The following MYO18A variants were observed in gnomAD, a reference collection of about 807,000 sequenced individuals.
The protein encoded by MYO18A is myosin XVIIIA, also known as unconventional myosin-XVIIIa.
Under a neutral mutation model 235.8 loss-of-function variants are expected in MYO18A, and 78 were observed. That is an observed-to-expected ratio of 0.33 (90% CI 0.28 to 0.40). The LOEUF (loss-of-function observed/expected upper bound fraction) is 0.40, where lower values mean the gene tolerates loss of function less well. MYO18A is among the 10% of genes least tolerant of loss of function. MYO18A has a pLI of 1.00. For synonymous variants in MYO18A, 977 were observed against 1,077.8 expected, an observed-to-expected ratio of 0.91 and a Z score of 1.83; for missense variants, 2,215 against 2,699.3, an observed-to-expected ratio of 0.82 and a Z score of 3.98.
At chr17:29,174,616 A>G (rs756393695) in intron 1 of MYO18A, among the ~76,000 whole-genome samples, 19 of 152,310 alleles carry the variant, frequency 1.2e-4, no homozygotes, top group Non-Finnish European at 2.2e-4. Flanking sequence ...GAAGTTCGAG[A>G]CTAGCCTGGC....
chr17:29,141,662 T>C (rs1462827445), intron 2 of MYO18A, among the ~76,000 whole-genome samples: 1 of 152,218 alleles, frequency 6.6e-6, no homozygotes, highest in African/African-American at 2.4e-5. Context: ...AGTCTCACTG[T>C]CATATAGTCA....
chr17:29,119,421 C>T lies in MYO18A; in HGVS notation c.1743G>A (p.Glu581=), dbSNP rs2067145983. The change falls in exon 8 of 42, where the codon GAG becomes GAA. Residue 581 remains glutamate (E), a synonymous_variant. Transcript: ENST00000527372. The stretch of plus-strand genomic sequence containing the variant: ...CTGGGCGCCGAGCCACACGCAGCTT[C>T]TCCAGAAGCATTGTCTGTGACACAG... ...ASASIQTMLL[E]KLRVARRPAS... The T allele has an allele frequency of 1.2e-6, 2 of 1,610,484 alleles. No homozygotes were observed. Among genetic ancestry groups the T allele is most frequent in the East Asian group, 4.5e-5 (2 of 44,814 alleles).
chr17:29,078,032 T>C (rs8065952), intron 41 of MYO18A: 63,437 of 151,646 alleles, frequency 0.42, 14,529 homozygotes, highest in East Asian at 0.84. Context: ...ATATATTTTT[T>C]GAGATGGAGT....
Position 29,093,442 on chromosome 17 carries a change from G to A in MYO18A, c.4822-15C>T, listed in dbSNP as rs764834464. 8 of 1,598,502 alleles carry A rather than the reference G, an allele frequency of 5.0e-6. No homozygotes were observed. Among genetic ancestry groups the A allele is most frequent in the Non-Finnish European group, 6.8e-6 (8 of 1,171,550 alleles). ...ATCTGTTTTAACTGGAGTACCATGG[G>A]GACAGAGACCCGTCCGTCCCTTTAG... is the stretch of plus-strand genomic sequence containing the variant. On this transcript the variant is annotated splice_polypyrimidine_tract_variant and intron_variant, in intron 31 of 41. Coordinates refer to ENST00000527372, the MANE Select transcript of MYO18A (RefSeq NM_078471.4).
rs762187168 is a variant in MYO18A, at chr17:29,111,762, G to T, written c.2700C>A (p.Arg900=). ...PGASEDTLLE[R]LFSYYGPQEG... is the part of the protein sequence containing the mutation. Reference sequence around the variant, plus strand: ...CCTGGGGGCCATAATAGGAGAAAAGGCGCTCCAGGAGGGTGTCCTCACTGG... The same window carrying T: ...CCTGGGGGCCATAATAGGAGAAAAGTCGCTCCAGGAGGGTGTCCTCACTGG... The change falls in exon 16 of 42, where the codon CGC becomes CGA. Residue 900 remains arginine, a synonymous_variant. Transcript: ENST00000527372. This position sits in a 1 kb window ranked among gnomAD's most constrained non-coding sequence, Gnocchi z 5.1. The T allele has an allele frequency of 1.2e-5, 19 of 1,613,696 alleles. No homozygotes were observed. The African/African-American group carries it at 1.5e-4, about 12-fold the overall frequency.
At chr17:29,141,711 T>C (rs2067743520) in intron 2 of MYO18A, among the ~76,000 whole-genome samples, 1 of 152,214 alleles carries the variant, frequency 6.6e-6, no homozygotes, top group Non-Finnish European at 1.5e-5. Context: ...TGTGTCCTGC[T>C]CTCTAGGGAG....
chr17:29,129,915 C>T (rs1035337501), intron 2 of MYO18A, among the ~76,000 whole-genome samples: 1 of 152,228 alleles, frequency 6.6e-6, no homozygotes, highest in African/African-American at 2.4e-5. Context: ...CAGGGCACTG[C>T]AGAGTTGGCC....
chr17:29,097,828 C>G lies in MYO18A; in HGVS notation c.4062G>C (p.Arg1354=). The G allele has an allele frequency of 6.2e-7, 1 of 1,613,830 alleles. No homozygotes were observed. The highest frequency in any genetic ancestry group is 8.5e-7 in the Non-Finnish European group (1 of 1,179,796). ...EMEVMEARLI[R]AAEINGEVDD... ...CCACTTCCCCGTTGATCTCCGCTGC[C>G]CGGATGAGACGGGCCTCCATCACCT... The change falls in exon 26 of 42, where the codon CGG becomes CGC. Residue 1354 remains arginine, a synonymous_variant. Transcript: ENST00000527372.
Position 29,166,388 on chromosome 17 carries a change from G to A in MYO18A, c.553C>T (p.Pro185Ser). The change falls in exon 2 of 42, where the codon CCT becomes TCT. Residue 185 changes from proline (P) to serine (S), a missense_variant. Transcript: ENST00000527372. ...QLVQHPGPGI[P>S]RPGHRSRAPE... ...GCTCGGGATCGGTGCCCTGGTCGAG[G>A]GATGCCTGGGCCAGGATGCTGCACC... 6.2e-7 allele frequency: 1 copy of A among 1,613,698 alleles called. No individual in the cohort carries two copies. The highest frequency in any genetic ancestry group is 8.5e-7 in the Non-Finnish European group (1 of 1,179,884).
intron 2 of MYO18A, among the ~76,000 whole-genome samples, chr17:29,155,741 C>T (rs112960313): frequency 5.3e-5 from 8 of 152,304 alleles, no homozygotes; most frequent in Admixed American, 2.0e-4. Flanking sequence ...GGATGGAATC[C>T]GAGGCGGCTC....
At chr17:29,127,724 G>A (rs887698696) in intron 2 of MYO18A, 19 of 397,356 alleles carry the variant, frequency 4.8e-5, no homozygotes, top group Non-Finnish European at 5.5e-5. Flanking sequence ...ATCAGCACAC[G>A]ACCCTGGGCC....
At chr17:29,112,824 A>T (rs1163213603) in intron 15 of MYO18A, among the ~76,000 whole-genome samples, 2 of 152,176 alleles carry the variant, frequency 1.3e-5, no homozygotes, top group Admixed American at 1.3e-4. Context: ...TGCCCAAGGG[A>T]GTTGGCGTGA....
rs1227199015 is a variant in MYO18A at position 29,117,069 on chromosome 17, C to G, written c.2039-614G>C. Among the ~76,000 whole-genome samples the G allele has an allele frequency of 2.6e-5, 4 of 152,288 alleles. No individual in the cohort carries two copies. The highest frequency in any genetic ancestry group is 9.6e-5 in the African/African-American group (4 of 41,572). The stretch of plus-strand genomic sequence containing the variant: ...TACACCCACCACCTGCCAGGACTTT[C>G]TCACTCCAGCTGAGCAGCCTGGGGC... On this transcript the variant is annotated intron_variant, in intron 10 of 41. Transcript: ENST00000527372. This position sits in a 1 kb window ranked among gnomAD's most constrained non-coding sequence, Gnocchi z 4.6.
At chr17:29,173,267 T>C (rs1205737540) in intron 1 of MYO18A, among the ~76,000 whole-genome samples, 1 of 151,768 alleles carries the variant, frequency 6.6e-6, no homozygotes, top group Non-Finnish European at 1.5e-5. Flanking sequence ...TAATTTTGTA[T>C]TTTTAGTAGA....
intron 13 of MYO18A, 27 bp from the exon 14 acceptor site, chr17:29,115,126 C>A (rs1290944818): frequency 6.3e-7 from 1 of 1,592,168 alleles, no homozygotes. Flanking sequence ...TGGGTCAGAG[C>A]CTCGCTGGTT....
intron 2 of MYO18A, among the ~76,000 whole-genome samples, chr17:29,157,211 C>T (rs934401614): frequency 2.8e-4 from 42 of 152,316 alleles, no homozygotes; most frequent in Admixed American, 6.5e-4. Flanking sequence ...CTTCTTAAGG[C>T]GTCCCTCTTC....
At chr17:29,098,318 A>G (rs1277931985) in intron 24 of MYO18A, 38 bp downstream of exon 24, 1 of 1,612,650 alleles carries the variant, frequency 6.2e-7, no homozygotes, top group African/African-American at 1.3e-5. Flanking sequence ...GTCTCCCTGC[A>G]GCCATGCCCA....
Position 29,092,424 on chromosome 17 carries a change from G to A in MYO18A, c.5106C>T (p.Ala1702=), listed in dbSNP as rs373150428. 6.2e-6 allele frequency: 10 copies of A among 1,612,246 alleles called. No homozygotes were observed. The highest frequency in any genetic ancestry group is 2.7e-5 in the African/African-American group (2 of 74,920). ...LEESEFTCAA[A]VKARKAMEVE... Reference sequence around the variant, plus strand: ...CCTCCATTGCTTTCCGTGCTTTCACGGCTGCCGCACAGGTGAACTCTGACT... The same window carrying A: ...CCTCCATTGCTTTCCGTGCTTTCACAGCTGCCGCACAGGTGAACTCTGACT... The change falls in exon 34 of 42, where the codon GCC becomes GCT. Residue 1702 remains alanine (A), a synonymous_variant. Coordinates refer to ENST00000527372, the MANE Select transcript of MYO18A (RefSeq NM_078471.4).
Position 29,099,779 on chromosome 17 carries a change from C to T in MYO18A, c.3508-17G>A, listed in dbSNP as rs371850336. 6.2e-7 allele frequency: 1 copy of T among 1,608,628 alleles called. No individual in the cohort carries two copies. The highest frequency in any genetic ancestry group is 8.5e-7 in the Non-Finnish European group (1 of 1,178,110). ...GAAGAACACCTGTGAAAAAGCAGGC[C>T]AGGTGAAGGCAGGATACTGGGCCAG... On this transcript the variant is annotated splice_polypyrimidine_tract_variant and intron_variant, in intron 21 of 41. Transcript: ENST00000527372.
Sources: gnomAD v4.1 joint callset for allele counts (sites outside exome capture counted in the v4.1 genomes callset) on GRCh38, gnomAD v4.1.1 for gene constraint, Gnocchi (gnomAD v3.1) non-coding constraint, MANE v1.5 for transcripts, NCBI Gene and HGNC (gene_info 2026-07-23, HGNC 2026-07-21) for gene names.